Variants in TTLL5 observed in about 807,000 individuals in gnomAD.
The protein encoded by TTLL5 is tubulin polyglutamylase TTLL5.
A neutral mutation model predicts 168.4 loss-of-function variants in TTLL5; 132 were observed. The ratio of observed to expected loss-of-function variants is 0.78; its 90% CI spans 0.68 to 0.91. The LOEUF is 0.91. Ranked by LOEUF, TTLL5 falls within the 40% of genes least tolerant of loss-of-function variation. The pLI, the probability that TTLL5 is intolerant of heterozygous loss-of-function variation, is 0.00. For missense variants in TTLL5, 1,545 were observed against 1,581.5 expected (o/e 0.98, Z 0.39); for synonymous variants, 546 against 558.6 (o/e 0.98, Z 0.32).
chr14:75,732,475 C>CTT (rs5809726), intron 13 of TTLL5, 56 bp downstream of exon 13: 225 of 1,130,810 alleles, frequency 2.0e-4, no homozygotes, highest in African/African-American at 9.6e-4. Flanking sequence ...ACTTAAAGCA[C>CTT]TTTTTTTTTT....
At chr14:75,741,676 ACTC>A (rs1024147205) in intron 15 of TTLL5, among the ~76,000 whole-genome samples, 5 of 151,610 alleles carry the variant, frequency 3.3e-5, no homozygotes, top group African/African-American at 1.2e-4. Context: ...TGTGTCTATA[ACTC>A]AGGTCACAGA....
chr14:75,820,983 G>C (rs1180303920), intron 28 of TTLL5, among the ~76,000 whole-genome samples: 2 of 152,116 alleles, frequency 1.3e-5, no homozygotes, highest in Non-Finnish European at 2.9e-5. Flanking sequence ...TTTTACCACA[G>C]GTGCCCGACC....
intron 9 of TTLL5, among the ~76,000 whole-genome samples, chr14:75,708,668 AT>A (rs1886825959): frequency 6.6e-6 from 1 of 152,120 alleles, no homozygotes; most frequent in Admixed American, 6.5e-5. Context: ...GACTTACAAG[AT>A]TAAGTTCAAG....
intron 31 of TTLL5, among the ~76,000 whole-genome samples, chr14:75,950,173 A>T (rs568489502): frequency 6.6e-4 from 101 of 152,378 alleles, no homozygotes; most frequent in African/African-American, 2.4e-3. Flanking sequence ...TAGAAGAGGA[A>T]GGGATAGATT....
intron 23 of TTLL5, among the ~76,000 whole-genome samples, 181 bp downstream of exon 23, chr14:75,777,031 G>T (rs1460540753): frequency 1.3e-5 from 2 of 152,156 alleles, no homozygotes; most frequent in Non-Finnish European, 2.9e-5. Context: ...AGGATTGCTT[G>T]AGCCCAGGAA....
At chr14:75,944,090 C>G (rs1218827422) in intron 31 of TTLL5, among the ~76,000 whole-genome samples, 3 of 152,130 alleles carry the variant, frequency 2.0e-5, no homozygotes, top group Admixed American at 6.5e-5. Context: ...TTCCCTCCTG[C>G]TCTAAAACTT....
chr14:75,930,679 T>A, intron 31 of TTLL5: 1 of 981,714 alleles, frequency 1.0e-6, no homozygotes. Flanking sequence ...AAAATAGGAT[T>A]AGGCAAAGAA....
intron 3 of TTLL5, 121 bp from the exon 4 acceptor site, chr14:75,681,424 T>C (rs563439430): frequency 1.3e-6 from 1 of 754,424 alleles, no homozygotes; most frequent in East Asian, 2.7e-5. Flanking sequence ...TCAACTTATT[T>C]ATAATCATTT....
At position 75,759,370 on chromosome 14, in the gene TTLL5, G is replaced by A. The variant is rs1326625846; in HGVS notation, c.1551-5245G>A. 1.3e-5 allele frequency among the ~76,000 whole-genome samples: 2 copies of A among 152,088 alleles called. 1 individual carries two copies. The highest frequency in any genetic ancestry group is 1.3e-4 in the Admixed American group (2 of 15,270). ...AATTTTGAAAAGCCCTGTATCTGTT[G>A]AGAAAATTGAAATTGTCCTGAAAAA... is the stretch of plus-strand genomic sequence containing the variant. On this transcript the variant is annotated intron_variant, in intron 18 of 31. Coordinates refer to ENST00000298832, the MANE Select transcript of TTLL5 (RefSeq NM_015072.5).
chr14:75,876,248 C>T (rs1193272044), intron 29 of TTLL5, among the ~76,000 whole-genome samples: 1 of 152,210 alleles, frequency 6.6e-6, no homozygotes, highest in Non-Finnish European at 1.5e-5. Context: ...TCAGGTCACA[C>T]ACTAGTCCAA....
At chr14:75,740,558 G>A (rs1889194937) in intron 15 of TTLL5, among the ~76,000 whole-genome samples, 1 of 152,040 alleles carries the variant, frequency 6.6e-6, no homozygotes, top group South Asian at 2.1e-4. Context: ...AGACCTGCTG[G>A]CTTACATTTA....
intron 31 of TTLL5, among the ~76,000 whole-genome samples, chr14:75,954,064 C>T (rs1171081755): frequency 2.6e-5 from 4 of 151,798 alleles, no homozygotes; most frequent in East Asian, 1.9e-4. Flanking sequence ...CTGGCTAACA[C>T]GGTGAAACCC....
At chr14:75,785,956 A>G (rs1892340056) in intron 26 of TTLL5, among the ~76,000 whole-genome samples, 1 of 152,172 alleles carries the variant, frequency 6.6e-6, no homozygotes, top group South Asian at 2.1e-4. Context: ...CAGTTTGGGG[A>G]CTATCTTAAC....
chr14:75,747,067 A>AC (rs1002292650), intron 17 of TTLL5, among the ~76,000 whole-genome samples: 1 of 151,632 alleles, frequency 6.6e-6, no homozygotes, highest in Non-Finnish European at 1.5e-5. Flanking sequence ...TTACATGTTA[A>AC]CTTAGTTTAT....
chr14:75,738,957 A>G (rs909769436), intron 15 of TTLL5, among the ~76,000 whole-genome samples: 1 of 151,970 alleles, frequency 6.6e-6, no homozygotes, highest in Non-Finnish European at 1.5e-5. Context: ...GGTGCACACC[A>G]CCATGCCTGG....
chr14:75,935,158 A>G (rs2034397563), intron 31 of TTLL5, among the ~76,000 whole-genome samples: 1 of 152,214 alleles, frequency 6.6e-6, no homozygotes, highest in Admixed American at 6.5e-5. Context: ...CTCTAAAATT[A>G]GTAGCATTGT....
chr14:75,833,374 T>G (rs934964793), intron 28 of TTLL5, among the ~76,000 whole-genome samples: 7 of 152,192 alleles, frequency 4.6e-5, no homozygotes, highest in Admixed American at 1.3e-4. Flanking sequence ...GCTGCCACAT[T>G]TTGGGACTAT....
intron 29 of TTLL5, among the ~76,000 whole-genome samples, chr14:75,882,043 C>CTATACA (rs2031843825): frequency 6.6e-6 from 1 of 152,144 alleles, no homozygotes; most frequent in African/African-American, 2.4e-5. Flanking sequence ...AGTAATTTTA[C>CTATACA]TTTGAAAGCG....
intron 5 of TTLL5, among the ~76,000 whole-genome samples, chr14:75,685,685 T>C (rs181224429): frequency 6.6e-6 from 1 of 152,328 alleles, no homozygotes; most frequent in Admixed American, 6.5e-5. Flanking sequence ...TCAGGTCCCA[T>C]TGCAGATTCA....
Sources: gnomAD v4.1 joint callset for allele counts (sites outside exome capture counted in the v4.1 genomes callset) on GRCh38, gnomAD v4.1.1 for gene constraint, MANE v1.5 for transcripts, NCBI Gene and HGNC (gene_info 2026-07-23, HGNC 2026-07-21) for gene names.